GOLGA3: variants seen among roughly 807,000 people sequenced by gnomAD.
The protein encoded by GOLGA3 is golgin A3.
Under a neutral mutation model 169.4 loss-of-function variants are expected in GOLGA3, and 75 were observed. The observed-to-expected ratio is 0.44, with a 90% CI of 0.37 to 0.54. GOLGA3 has a LOEUF of 0.54. Among genes scored for constraint, GOLGA3 ranks in the 20% least tolerant of loss-of-function variants. The pLI, the probability that GOLGA3 is intolerant of heterozygous loss-of-function variation, is 0.00. For missense variants in GOLGA3, 1,899 were observed against 1,930.0 expected (o/e 0.98, Z 0.30); for synonymous variants, 824 against 822.4 (o/e 1.00, Z -0.03).
At chr12:132,815,730 TAC>T (rs944284927) in intron 3 of GOLGA3, among the ~76,000 whole-genome samples, 18 of 152,086 alleles carry the variant, frequency 1.2e-4, no homozygotes, top group African/African-American at 4.3e-4. Context: ...ACCCCGTTTC[TAC>T]ACACACAAAA....
At chr12:132,776,788 A>G (rs199538544) in intron 20 of GOLGA3, 32 bp from the exon 21 acceptor site, 139 of 1,610,932 alleles carry the variant, frequency 8.6e-5, no homozygotes, top group Non-Finnish European at 1.2e-4. Flanking sequence ...GGCCAAAAGA[A>G]TATTAAAGTG....
At chr12:132,788,992 T>TC in intron 13 of GOLGA3, 35 bp downstream of exon 13, 2 of 921,502 alleles carry the variant, frequency 2.2e-6, no homozygotes, top group Non-Finnish European at 2.9e-6. Flanking sequence ...GGCCGAATCC[T>TC]CCCCATCAAA....
chr12:132,791,275 C>T lies in GOLGA3; in HGVS notation c.2488G>A (p.Glu830Lys). ...KSGQVEHLQQ[E>K]TAALKKQMQK... ...ATTTGCTTTTTCAGAGCAGCAGTCT[C>T]CTGCTGCAGGTGTTCCACCTGTGGG... The change falls in exon 12 of 24, where the codon GAG becomes AAG. Residue 830 changes from glutamate (E) to lysine (K), a missense_variant. Transcript: ENST00000450791. 1 of 1,601,038 alleles carries T rather than the reference C, an allele frequency of 6.2e-7. No individual in the cohort carries two copies. The highest frequency in any genetic ancestry group is 8.5e-7 in the Non-Finnish European group (1 of 1,169,754).
In GOLGA3 at chr12:132,816,637, G is replaced by C. The variant is rs1021764164; in HGVS notation, c.309C>G (p.Asn103Lys). The C allele has an allele frequency of 1.2e-6, 2 of 1,614,104 alleles. No individual in the cohort carries two copies. The highest frequency in any genetic ancestry group is 2.2e-5 in the South Asian group (2 of 91,082). The change falls in exon 3 of 24, where the codon AAC (asparagine) becomes AAG (lysine). Residue 103 changes from asparagine to lysine, a missense_variant. Coordinates refer to ENST00000450791, the MANE Select transcript of GOLGA3 (RefSeq NM_001389683.1). ...CACTAGTTCCCTGAGACTTCCTTAG[G>C]TTGTCATGGAAACCAGCCACACCTG... ...ASPGVAGFHD[N>K]LRKSQGTSAE...
At chr12:132,807,555 G>A (rs1216849410) in intron 5 of GOLGA3, among the ~76,000 whole-genome samples, 1 of 152,116 alleles carries the variant, frequency 6.6e-6, no homozygotes, top group Non-Finnish European at 1.5e-5. Context: ...GTAAACGGGA[G>A]ACTGGATATT....
At chr12:132,815,680 G>C (rs1373255188) in intron 3 of GOLGA3, among the ~76,000 whole-genome samples, 1 of 152,168 alleles carries the variant, frequency 6.6e-6, no homozygotes, top group Non-Finnish European at 1.5e-5. Flanking sequence ...ACGATCACTT[G>C]AGCCCAGGAG....
At chr12:132,779,016 C>T (rs938515053) in intron 18 of GOLGA3, among the ~76,000 whole-genome samples, 5 of 152,296 alleles carry the variant, frequency 3.3e-5, no homozygotes, top group Admixed American at 2.6e-4. Flanking sequence ...CAGGGTTAAA[C>T]GGCCGGGCGG....
rs577221905 is a variant in GOLGA3, at chr12:132,808,840, A to T, written c.520-291T>A. ...AACACATCCCAGCAAGTACCTCCTC[A>T]TCAGACTTCTGTAGGGACCAGCCCC... is the stretch of plus-strand genomic sequence containing the variant. On this transcript the variant is annotated intron_variant, in intron 4 of 23. Coordinates refer to ENST00000450791, the MANE Select transcript of GOLGA3 (RefSeq NM_001389683.1). Among the ~76,000 whole-genome samples, 167 of 152,190 alleles carry T rather than the reference A, an allele frequency of 1.1e-3. 1 individual carries two copies. Among genetic ancestry groups the T allele is most frequent in the Non-Finnish European group, 1.9e-3 (130 of 67,986 alleles).
chr12:132,771,754 A>C lies in GOLGA3; in HGVS notation c.*1351T>G, dbSNP rs928651556. On this transcript the variant is annotated 3_prime_UTR_variant, in exon 24 of 24. Coordinates refer to ENST00000450791, the MANE Select transcript of GOLGA3 (RefSeq NM_001389683.1). ...CAATGGTAAAGATTTTCACTTGGGG[A>C]ACAGGAGTGTGAGGTTTGTTACCGC... 1 of 152,220 alleles carries C rather than the reference A, an allele frequency of 6.6e-6. No individual in the cohort carries two copies. The highest frequency in any genetic ancestry group is 1.5e-5 in the Non-Finnish European group (1 of 68,064). 9.4% of individuals were successfully genotyped at this position (152,220 alleles called of 1,614,324 possible).
At position 132,816,781 on chromosome 12, in the gene GOLGA3, C is replaced by T; in HGVS notation, c.165G>A (p.Gly55=). ...CAEVNRASTE[G]ESPDGPGQGG... ...CCTGGCCAGGTCCATCCGGGCTTTC[C>T]CCTTCCGTGGATGCTCTGTTTACCT... The change falls in exon 3 of 24, where the codon GGG becomes GGA. Residue 55 remains glycine (G), a synonymous_variant. Transcript: ENST00000450791. The T allele has an allele frequency of 6.2e-7, 1 of 1,606,682 alleles. No homozygotes were observed. The highest frequency in any genetic ancestry group is 8.5e-7 in the Non-Finnish European group (1 of 1,174,104).
intron 11 of GOLGA3, among the ~76,000 whole-genome samples, chr12:132,794,900 G>A (rs978942909): frequency 1.3e-5 from 2 of 152,150 alleles, no homozygotes; most frequent in African/African-American, 4.8e-5. Context: ...TATAGAGTGG[G>A]ATTTAAAGAC....
At chr12:132,827,369 G>A (rs1950465586) in intron 1 of GOLGA3, among the ~76,000 whole-genome samples, 1 of 152,224 alleles carries the variant, frequency 6.6e-6, no homozygotes, top group African/African-American at 2.4e-5. Context: ...TCCGGCCTCA[G>A]CTCCCGACCC....
At chr12:132,780,281 C>T (rs968291162) in intron 18 of GOLGA3, among the ~76,000 whole-genome samples, 17 of 152,166 alleles carry the variant, frequency 1.1e-4, no homozygotes, top group Non-Finnish European at 1.8e-4. Flanking sequence ...CCAGGTATGG[C>T]GGAGGTAGCC....
intron 12 of GOLGA3, among the ~76,000 whole-genome samples, chr12:132,790,667 A>G (rs2046177266): frequency 6.6e-6 from 1 of 152,138 alleles, no homozygotes; most frequent in South Asian, 2.1e-4. Context: ...CGCTCCAGTG[A>G]CAGCCGCCCC....
chr12:132,818,539 C>A (rs1950085845), intron 2 of GOLGA3, among the ~76,000 whole-genome samples: 1 of 152,238 alleles, frequency 6.6e-6, no homozygotes, highest in Non-Finnish European at 1.5e-5. Flanking sequence ...CAGGCGTGAG[C>A]CACCGCACCC....
At chr12:132,818,063 C>T (rs528875730) in intron 2 of GOLGA3, among the ~76,000 whole-genome samples, 45 of 110,318 alleles carry the variant, frequency 4.1e-4, no homozygotes, top group African/African-American at 1.7e-3. Context: ...TACGCTCTAA[C>T]GTGAACCCGC....
At chr12:132,806,123 C>T (rs1234769150) in intron 6 of GOLGA3, among the ~76,000 whole-genome samples, 1 of 152,204 alleles carries the variant, frequency 6.6e-6, no homozygotes. Context: ...AGACAACAAA[C>T]ACCCAAAGCA....
At chr12:132,826,394 G>C (rs945167130) in intron 1 of GOLGA3, among the ~76,000 whole-genome samples, 2 of 151,006 alleles carry the variant, frequency 1.3e-5, no homozygotes, top group African/African-American at 4.8e-5. Context: ...CTGCAGAGGA[G>C]AACTGCTGCA....
rs1949264480 is a variant in GOLGA3 at position 132,804,111 on chromosome 12, GC to G, written c.1597+604del. On this transcript the variant is annotated intron_variant, in intron 7 of 23. Transcript: ENST00000450791. This position sits in a 1 kb window ranked among gnomAD's most constrained non-coding sequence, Gnocchi z 4.1. Reference sequence around the variant, plus strand: ...CCCGCCGCGGCTTCCGCAATCCACTGCCCTACTTGTACTCTCTGGGCGAGCC... The same window carrying G: ...CCCGCCGCGGCTTCCGCAATCCACTGCCTACTTGTACTCTCTGGGCGAGCC... Among the ~76,000 whole-genome samples the G allele has an allele frequency of 6.6e-6, 1 of 152,300 alleles. No homozygotes were observed. The highest frequency in any genetic ancestry group is 2.1e-4 in the South Asian group (1 of 4,822).
Sources: gnomAD v4.1 joint callset for allele counts (sites outside exome capture counted in the v4.1 genomes callset) on GRCh38, gnomAD v4.1.1 for gene constraint, Gnocchi (gnomAD v3.1) non-coding constraint, MANE v1.5 for transcripts, NCBI Gene and HGNC (gene_info 2026-07-23, HGNC 2026-07-21) for gene names.